MRC1: variants seen among roughly 807,000 people sequenced by gnomAD.
MRC1 encodes macrophage mannose receptor 1.
MRC1 carries 62 observed loss-of-function variants against 102.9 expected under a neutral mutation model. The ratio of observed to expected loss-of-function variants is 0.60; its 90% CI spans 0.49 to 0.74. The LOEUF is 0.74. Among genes scored for constraint, MRC1 ranks in the 30% least tolerant of loss-of-function variants. The pLI, the probability that MRC1 is intolerant of heterozygous loss-of-function variation, is 0.00. For missense variants in MRC1, 1,237 were observed against 862.8 expected (o/e 1.43, Z -5.43); for synonymous variants, 457 against 298.4 (o/e 1.53, Z -5.48).
intron 26 of MRC1, among the ~76,000 whole-genome samples, chr10:17,905,558 T>A (rs896467172): frequency 0.032 from 4,798 of 151,804 alleles, 242 homozygotes; most frequent in African/African-American, 0.11. Context: ...GAAACTTTGT[T>A]TTCCATTTTA....
At chr10:17,887,958 A>C (rs1329189407) in intron 22 of MRC1, among the ~76,000 whole-genome samples, 3 of 152,072 alleles carry the variant, frequency 2.0e-5, no homozygotes, top group African/African-American at 7.2e-5. Flanking sequence ...GCACACCACC[A>C]CACCTGGCTA....
chr10:17,884,116 G>T (rs2130696045), intron 21 of MRC1, among the ~76,000 whole-genome samples: 1 of 152,270 alleles, frequency 6.6e-6, no homozygotes, highest in East Asian at 1.9e-4. Context: ...ACAGGCGCAT[G>T]ACACCGATGC....
chr10:17,880,247 A>G (rs1268510548), intron 19 of MRC1, among the ~76,000 whole-genome samples: 1 of 152,202 alleles, frequency 6.6e-6, no homozygotes, highest in Non-Finnish European at 1.5e-5. Context: ...TGCTGTTGTT[A>G]GATTATTATG....
intron 29 of MRC1, among the ~76,000 whole-genome samples, chr10:17,909,658 AT>A (rs563990971): frequency 4.8e-4 from 70 of 147,048 alleles, no homozygotes; most frequent in South Asian, 6.5e-4. Context: ...TTTTCTTAGA[AT>A]TTTTTTTTTG....
At chr10:17,890,027 A>G (rs1021916336) in intron 22 of MRC1, among the ~76,000 whole-genome samples, 74 of 152,082 alleles carry the variant, frequency 4.9e-4, no homozygotes, top group African/African-American at 1.7e-3. Flanking sequence ...AATTTTCTCA[A>G]TGTTTGTTTG....
At chr10:17,822,586 A>G (rs972825171) in intron 1 of MRC1, among the ~76,000 whole-genome samples, 47 of 152,340 alleles carry the variant, frequency 3.1e-4, no homozygotes, top group African/African-American at 1.0e-3. Context: ...GCACCACTGC[A>G]CTCCAGCCTG....
intron 9 of MRC1, among the ~76,000 whole-genome samples, chr10:17,859,464 C>A (rs1307833731): frequency 6.6e-6 from 1 of 152,054 alleles, no homozygotes; most frequent in Non-Finnish European, 1.5e-5. Context: ...ACTACAGGTG[C>A]CTGCCGTCAC....
chr10:17,840,301 A>G (rs1378068026), intron 4 of MRC1, among the ~76,000 whole-genome samples: 2 of 150,314 alleles, frequency 1.3e-5, no homozygotes, highest in Non-Finnish European at 3.0e-5. Flanking sequence ...ACTTTAAAAA[A>G]TGATAAAATA....
intron 26 of MRC1, among the ~76,000 whole-genome samples, chr10:17,903,305 A>T (rs1310102310): frequency 7.0e-6 from 1 of 143,320 alleles, no homozygotes; most frequent in African/African-American, 2.6e-5. Flanking sequence ...TGGTCCCCCT[A>T]TTCCTCTATT....
intron 3 of MRC1, among the ~76,000 whole-genome samples, 153 bp from the exon 4 acceptor site, chr10:17,833,520 CAA>C (rs34179956): frequency 2.8e-5 from 3 of 106,532 alleles, no homozygotes; most frequent in African/African-American, 3.7e-5. Context: ...GACTCTGTCT[CAA>C]AAAAAAAAAA....
At chr10:17,884,827 A>AT (rs1311197227) in intron 21 of MRC1, among the ~76,000 whole-genome samples, 14 of 152,116 alleles carry the variant, frequency 9.2e-5, no homozygotes, top group African/African-American at 3.4e-4. Flanking sequence ...GACAGTTTTT[A>AT]TTTTTTCAGA....
chr10:17,845,102 G>C, intron 5 of MRC1, 187 bp from the exon 6 acceptor site: 3 of 777,352 alleles, frequency 3.9e-6, no homozygotes, highest in Non-Finnish European at 7.2e-6. Context: ...CCAACGATAA[G>C]AAAACAATAG....
In MRC1 at chr10:17,823,399, C is replaced by G; in HGVS notation, c.387C>G (p.Leu129=). 1 of 780,822 alleles carries G rather than the reference C, an allele frequency of 1.3e-6. No homozygotes were observed. The highest frequency in any genetic ancestry group is 2.4e-6 in the Non-Finnish European group (1 of 417,958). 48.4% of individuals were successfully genotyped at this position (780,822 alleles called of 1,614,324 possible). The part of the protein sequence containing the change: ...YGNRQEKNIM[L]YKGSGLWSRW... ...ACAGACAAGAAAAGAATATTATGCTCTACAAGGGATCGGGTTTATGGAGCA... is the reference window on the plus strand; with the variant it reads ...ACAGACAAGAAAAGAATATTATGCTGTACAAGGGATCGGGTTTATGGAGCA... The change falls in exon 2 of 30, where the codon CTC becomes CTG. Residue 129 remains leucine (L), a synonymous_variant. Coordinates refer to ENST00000569591, the MANE Select transcript of MRC1 (RefSeq NM_002438.4).
At chr10:17,905,364 G>C (rs1337239127) in intron 26 of MRC1, among the ~76,000 whole-genome samples, 3 of 152,144 alleles carry the variant, frequency 2.0e-5, no homozygotes, top group African/African-American at 7.2e-5. Context: ...TCAGCATTCT[G>C]AAACAGTGGA....
In MRC1 at chr10:17,823,220, G is replaced by T; in HGVS notation, c.208G>T (p.Ala70Ser). The change falls in exon 2 of 30, where the codon GCA becomes TCA. Residue 70 changes from alanine (A) to serine (S), a missense_variant. Transcript: ENST00000569591. ...GTCCGAATCTCAGATTATGAGTGTT[G>T]CATTTAAATTATGCCTGGGAGTGCC... ...WVSESQIMSVAFKLCLGVPSK... is the reference protein window; with the variant it reads ...WVSESQIMSVSFKLCLGVPSK... The T allele has an allele frequency of 1.3e-6, 1 of 780,810 alleles. No homozygotes were observed. The highest frequency in any genetic ancestry group is 2.4e-6 in the Non-Finnish European group (1 of 417,962). The allele number at this position is 780,810 out of a possible 1,614,324, so 48.4% of individuals were successfully genotyped here. A position where few individuals can be genotyped will look rare whatever the true frequency, so the allele number is the denominator to read the frequency against.
chr10:17,900,948 C>T lies in MRC1; in HGVS notation c.3644C>T (p.Ser1215Leu). The T allele has an allele frequency of 2.6e-6, 2 of 780,524 alleles. No individual in the cohort carries two copies. The highest frequency in any genetic ancestry group is 2.4e-6 in the Non-Finnish European group (1 of 417,854). The allele number at this position is 780,524 out of a possible 1,614,324, so 48.3% of individuals were successfully genotyped here. The change falls in exon 25 of 30, where the codon TCA becomes TTA. Residue 1215 changes from serine to leucine, a missense_variant. Coordinates refer to ENST00000569591, the MANE Select transcript of MRC1 (RefSeq NM_002438.4). ...NESFYFLCKR[S>L]DEIPATEPPQ... ...AGTTTTTACTTTCTCTGTAAAAGAT[C>T]AGATGGTAATTGAATATATAAAAAC...
chr10:17,897,352 A>G (rs1235025672), intron 23 of MRC1, among the ~76,000 whole-genome samples: 1 of 152,326 alleles, frequency 6.6e-6, no homozygotes, highest in Admixed American at 6.5e-5. Context: ...CTTGAGGACA[A>G]AAGATCAGAA....
Position 17,853,035 on chromosome 10 carries a change from G to A in MRC1, c.1318G>A (p.Gly440Arg). The change falls in exon 8 of 30, where the codon GGG (glycine) becomes AGG (arginine). Residue 440 changes from glycine to arginine, a missense_variant. Coordinates refer to ENST00000569591, the MANE Select transcript of MRC1 (RefSeq NM_002438.4). ...KIQMYFEWSD[G>R]TPVTFTKWLR... Reference sequence around the variant, plus strand: ...TCAAATGTACTTTGAGTGGAGTGATGGGACCCCTGTAACGTTTACCAAATG... The same window carrying A: ...TCAAATGTACTTTGAGTGGAGTGATAGGACCCCTGTAACGTTTACCAAATG... 1 of 780,780 alleles carries A rather than the reference G, an allele frequency of 1.3e-6. No homozygotes were observed. The highest frequency in any genetic ancestry group is 2.4e-6 in the Non-Finnish European group (1 of 417,940). 48.4% of individuals were successfully genotyped at this position (780,780 alleles called of 1,614,324 possible).
chr10:17,887,470 AT>A (rs1290202818), intron 22 of MRC1, among the ~76,000 whole-genome samples: 2 of 152,244 alleles, frequency 1.3e-5, no homozygotes, highest in Non-Finnish European at 2.9e-5. Flanking sequence ...AAATTCTTTC[AT>A]TCTCATGACA....
Sources: gnomAD v4.1 joint callset for allele counts (sites outside exome capture counted in the v4.1 genomes callset) on GRCh38, gnomAD v4.1.1 for gene constraint, MANE v1.5 for transcripts, NCBI Gene and HGNC (gene_info 2026-07-23, HGNC 2026-07-21) for gene names.